Variants in SPAG16 observed in about 807,000 individuals in gnomAD.
SPAG16 encodes the protein sperm associated antigen 16.
Under a neutral mutation model 80.4 loss-of-function variants are expected in SPAG16, and 86 were observed. The ratio of observed to expected loss-of-function variants is 1.07; its 90% CI spans 0.90 to 1.28. SPAG16 has a LOEUF of 1.28. SPAG16 is among the 50% of genes most tolerant of loss of function. The pLI, the probability that SPAG16 is intolerant of heterozygous loss-of-function variation, is 0.00. For missense variants in SPAG16, 870 were observed against 765.3 expected (o/e 1.14, Z -1.61); for synonymous variants, 294 against 265.9 (o/e 1.11, Z -1.03).
At chr2:214,155,833 T>C (rs1365741867) in intron 15 of SPAG16, among the ~76,000 whole-genome samples, 4 of 152,138 alleles carry the variant, frequency 2.6e-5, no homozygotes, top group African/African-American at 9.7e-5. Context: ...CTCAATGAGA[T>C]TGTTACTCTT....
At chr2:213,782,644 A>G (rs987354917) in intron 10 of SPAG16, among the ~76,000 whole-genome samples, 28 of 152,182 alleles carry the variant, frequency 1.8e-4, no homozygotes, top group African/African-American at 6.8e-4. Context: ...ACAACAACCC[A>G]AACAAGTGGT....
At chr2:213,410,678 A>C (rs759335910) in intron 9 of SPAG16, among the ~76,000 whole-genome samples, 1 of 152,260 alleles carries the variant, frequency 6.6e-6, no homozygotes, top group African/African-American at 2.4e-5. Context: ...GCAAATGCCT[A>C]GTTGGAATGG....
chr2:213,914,325 A>ATT (rs1010449455), intron 11 of SPAG16, among the ~76,000 whole-genome samples: 1 of 152,174 alleles, frequency 6.6e-6, no homozygotes, highest in African/African-American at 2.4e-5. Flanking sequence ...GTGTGACATT[A>ATT]TTTTATACTT....
chr2:214,060,727 T>C (rs888517417), intron 13 of SPAG16, among the ~76,000 whole-genome samples: 8 of 152,128 alleles, frequency 5.3e-5, no homozygotes, highest in Non-Finnish European at 1.0e-4. Flanking sequence ...AGAATTCCAA[T>C]AGGATTGCTT....
chr2:213,941,475 G>A (rs569200073), intron 12 of SPAG16, among the ~76,000 whole-genome samples: 6 of 152,158 alleles, frequency 3.9e-5, no homozygotes, highest in Non-Finnish European at 7.4e-5. Flanking sequence ...TACATAGAGA[G>A]AGAGAGAGAT....
intron 15 of SPAG16, among the ~76,000 whole-genome samples, chr2:214,316,778 T>G (rs917096307): frequency 6.6e-6 from 1 of 152,174 alleles, no homozygotes; most frequent in African/African-American, 2.4e-5. Flanking sequence ...AATCCTCATA[T>G]TCTCACCCTG....
intron 10 of SPAG16, among the ~76,000 whole-genome samples, chr2:213,554,163 G>T (rs1224643851): frequency 6.6e-6 from 1 of 152,136 alleles, no homozygotes; most frequent in African/African-American, 2.4e-5. Flanking sequence ...AGGTCATGAG[G>T]ACATTAAAAA....
intron 13 of SPAG16, among the ~76,000 whole-genome samples, chr2:214,064,641 A>G (rs1277283389): frequency 6.6e-6 from 1 of 152,148 alleles, no homozygotes; most frequent in African/African-American, 2.4e-5. Flanking sequence ...ACTGAATTAC[A>G]GAAATCAGAT....
In SPAG16 at chr2:214,304,101, C is replaced by T. The variant is rs543257889; in HGVS notation, c.1721-106039C>T. Reference sequence around the variant, plus strand: ...TGTAGCTCCCACTTATAAGTGAGAACATGTGGTATTTGGTTTTCTGTTCCT... The same window carrying T: ...TGTAGCTCCCACTTATAAGTGAGAATATGTGGTATTTGGTTTTCTGTTCCT... On this transcript the variant is annotated intron_variant, in intron 15 of 15. Transcript: ENST00000331683. 3.9e-5 allele frequency among the ~76,000 whole-genome samples: 6 copies of T among 152,296 alleles called. No individual in the cohort carries two copies. The South Asian group carries it at 1.2e-3, about 32-fold the overall frequency.
chr2:214,354,557 G>C (rs566512278), intron 15 of SPAG16, among the ~76,000 whole-genome samples: 1 of 152,174 alleles, frequency 6.6e-6, no homozygotes, highest in East Asian at 1.9e-4. Context: ...TAGCTTGATG[G>C]GGATGGCATT....
At chr2:213,994,732 G>A (rs1052559978) in intron 12 of SPAG16, among the ~76,000 whole-genome samples, 1 of 151,906 alleles carries the variant, frequency 6.6e-6, no homozygotes, top group African/African-American at 2.4e-5. Context: ...CCATATTACA[G>A]CTATAATATA....
At chr2:214,234,080 C>CT (rs201861934) in intron 15 of SPAG16, among the ~76,000 whole-genome samples, 89 of 147,494 alleles carry the variant, frequency 6.0e-4, no homozygotes, top group South Asian at 1.3e-3. Flanking sequence ...TGTTTCCCCC[C>CT]CCATGTGTCC....
chr2:214,339,186 T>C (rs552843786), intron 15 of SPAG16, among the ~76,000 whole-genome samples: 1 of 152,306 alleles, frequency 6.6e-6, no homozygotes, highest in East Asian at 1.9e-4. Flanking sequence ...CCTGTTAAGT[T>C]TGGGTTAACA....
At chr2:214,221,766 TA>T (rs1220315368) in intron 15 of SPAG16, among the ~76,000 whole-genome samples, 1 of 152,218 alleles carries the variant, frequency 6.6e-6, no homozygotes, top group Non-Finnish European at 1.5e-5. Context: ...TATTTCATGT[TA>T]TTTTTCGTGT....
chr2:213,644,962 C>T (rs1232980041), intron 10 of SPAG16, among the ~76,000 whole-genome samples: 1 of 152,238 alleles, frequency 6.6e-6, no homozygotes, highest in Non-Finnish European at 1.5e-5. Context: ...CCCTCAGGCC[C>T]TGGGTGGTTC....
intron 13 of SPAG16, among the ~76,000 whole-genome samples, chr2:214,037,633 A>G (rs771172700): frequency 6.6e-6 from 1 of 151,878 alleles, no homozygotes; most frequent in Non-Finnish European, 1.5e-5. Context: ...CTAGGCTTGT[A>G]TGTTTCTATC....
intron 10 of SPAG16, among the ~76,000 whole-genome samples, chr2:213,693,869 A>G (rs2065046952): frequency 6.6e-6 from 1 of 152,166 alleles, no homozygotes; most frequent in African/African-American, 2.4e-5. Flanking sequence ...TGGAAACCCT[A>G]TCTAAAGGAA....
At chr2:214,221,313 T>C (rs936432870) in intron 15 of SPAG16, among the ~76,000 whole-genome samples, 11 of 152,266 alleles carry the variant, frequency 7.2e-5, no homozygotes, top group South Asian at 2.1e-4. Context: ...TTGTAACTTA[T>C]CTTATTTCTT....
At chr2:213,806,046 T>C (rs1575188239) in intron 10 of SPAG16, among the ~76,000 whole-genome samples, 1 of 152,166 alleles carries the variant, frequency 6.6e-6, no homozygotes, top group African/African-American at 2.4e-5. Context: ...TATTATTAGG[T>C]TTTATGTATA....
Sources: gnomAD v4.1 joint callset for allele counts (sites outside exome capture counted in the v4.1 genomes callset) on GRCh38, gnomAD v4.1.1 for gene constraint, MANE v1.5 for transcripts, NCBI Gene and HGNC (gene_info 2026-07-23, HGNC 2026-07-21) for gene names.